The following CTBP2 variants were observed in gnomAD, a reference collection of about 807,000 sequenced individuals.
The protein encoded by CTBP2 is C-terminal-binding protein 2.
CTBP2 carries 30 observed loss-of-function variants against 80.3 expected under a neutral mutation model. The observed-to-expected ratio is 0.37, with a 90% CI of 0.28 to 0.51. The LOEUF (loss-of-function observed/expected upper bound fraction) is 0.51. Among genes scored for constraint, CTBP2 ranks in the 20% least tolerant of loss-of-function variants. The pLI, the probability that CTBP2 is intolerant of heterozygous loss-of-function variation, is 0.93. For synonymous variants in CTBP2, 594 were observed against 587.4 expected, an observed-to-expected ratio of 1.01 and a Z score of -0.16; for missense variants, 1,212 against 1,375.3, an observed-to-expected ratio of 0.88 and a Z score of 1.88.
rs868400175 is a variant in CTBP2, at chr10:125,024,026, C to T, written c.1678+2056G>A. Reference sequence around the variant, plus strand: ...GCAACACTGGATTTCCAGATGGCCGCGTCCTGGACCAGAGGCCGGCGGGAC... The same window carrying T: ...GCAACACTGGATTTCCAGATGGCCGTGTCCTGGACCAGAGGCCGGCGGGAC... On this transcript the variant is annotated intron_variant, in intron 1 of 8. Coordinates refer to ENST00000309035, the MANE Select transcript of CTBP2 (RefSeq NM_022802.3). Among the ~76,000 whole-genome samples the T allele has an allele frequency of 6.6e-5, 10 of 152,306 alleles. No individual in the cohort carries two copies. In the South Asian group the frequency reaches 1.7e-3, roughly 25 times the overall value.
chr10:124,997,629 C>T (rs1269878847), intron 4 of CTBP2: 1 of 373,520 alleles, frequency 2.7e-6, no homozygotes, highest in African/African-American at 2.0e-5. Flanking sequence ...TTACGACACA[C>T]CTCCATACAG....
At chr10:125,033,615 C>CT (rs1023609418) in intron 3 of CTBP2, among the ~76,000 whole-genome samples, 2 of 152,352 alleles carry the variant, frequency 1.3e-5, no homozygotes, top group African/African-American at 4.8e-5. Context: ...GGGCTGCTGT[C>CT]TGCTGCTGTC....
chr10:125,159,426 C>A (rs1861548564), intron 1 of CTBP2, among the ~76,000 whole-genome samples: 1 of 145,178 alleles, frequency 6.9e-6, no homozygotes, highest in African/African-American at 2.5e-5. Flanking sequence ...CCCGCCCGCG[C>A]CCGCCGCCCG....
At chr10:125,103,772 T>C (rs1851014857) in intron 2 of CTBP2, among the ~76,000 whole-genome samples, 1 of 151,822 alleles carries the variant, frequency 6.6e-6, no homozygotes, top group African/African-American at 2.4e-5. Context: ...AACCAAGGGG[T>C]ATATCCTACA....
intron 2 of CTBP2, among the ~76,000 whole-genome samples, chr10:125,042,342 G>C (rs186026245): frequency 0.018 from 2,716 of 148,276 alleles, 104 homozygotes; most frequent in African/African-American, 0.07. Flanking sequence ...CAGCACCCCC[G>C]ATCCACGCTG....
intron 1 of CTBP2, among the ~76,000 whole-genome samples, chr10:125,009,270 T>A (rs1259827238): frequency 6.6e-6 from 1 of 152,216 alleles, no homozygotes; most frequent in Non-Finnish European, 1.5e-5. Context: ...GCCAAGCGAT[T>A]CACGGCTTCA....
intron 2 of CTBP2, among the ~76,000 whole-genome samples, chr10:125,071,571 C>G (rs1030355282): frequency 6.6e-6 from 1 of 152,154 alleles, no homozygotes; most frequent in Admixed American, 6.6e-5. Flanking sequence ...TTACAAGATG[C>G]AAATTAAAAC....
intron 2 of CTBP2, among the ~76,000 whole-genome samples, chr10:125,064,196 G>T (rs1389488194): frequency 1.3e-5 from 2 of 152,220 alleles, no homozygotes; most frequent in Admixed American, 6.5e-5. Flanking sequence ...TTTCACCAGA[G>T]TTTGCCTGGG....
chr10:125,152,110 GCCGCGC>G (rs1485097213), intron 1 of CTBP2, among the ~76,000 whole-genome samples: 1 of 152,046 alleles, frequency 6.6e-6, no homozygotes, highest in Non-Finnish European at 1.5e-5. Context: ...CTGGGGCGGG[GCCGCGC>G]CGCCAGGTGT....
intron 1 of CTBP2, among the ~76,000 whole-genome samples, chr10:125,014,043 C>G (rs1198058577): frequency 6.6e-6 from 1 of 152,214 alleles, no homozygotes; most frequent in Non-Finnish European, 1.5e-5. Flanking sequence ...ACCCGGGTGT[C>G]TCTCTAGATC....
At chr10:125,054,127 C>G (rs559391273) in intron 2 of CTBP2, among the ~76,000 whole-genome samples, 2 of 151,772 alleles carry the variant, frequency 1.3e-5, no homozygotes, top group South Asian at 4.2e-4. Flanking sequence ...TGAACATGAC[C>G]CTCTCCCTGA....
intron 1 of CTBP2, among the ~76,000 whole-genome samples, chr10:125,122,475 G>A (rs947530514): frequency 6.6e-6 from 1 of 152,204 alleles, no homozygotes; most frequent in African/African-American, 2.4e-5. Context: ...TCCTCCTAAA[G>A]AAACCATGCC....
chr10:125,159,626 G>T (rs1412196073), intron 1 of CTBP2, among the ~76,000 whole-genome samples: 2 of 150,560 alleles, frequency 1.3e-5, no homozygotes, highest in African/African-American at 4.8e-5. Context: ...GAGCCGCGCG[G>T]GATCCCCCGC....
At chr10:125,124,857 T>A (rs935710497) in intron 1 of CTBP2, among the ~76,000 whole-genome samples, 1 of 152,276 alleles carries the variant, frequency 6.6e-6, no homozygotes, top group Non-Finnish European at 1.5e-5. Flanking sequence ...CAAAAGGGGA[T>A]GGCAGTTTCC....
At chr10:125,104,629 A>C (rs905964138) in intron 2 of CTBP2, among the ~76,000 whole-genome samples, 3 of 152,230 alleles carry the variant, frequency 2.0e-5, no homozygotes, top group African/African-American at 7.2e-5. Flanking sequence ...TCACACACAA[A>C]TGCCGATGAA....
At chr10:125,116,583 G>A (rs184661975) in intron 1 of CTBP2, among the ~76,000 whole-genome samples, 7 of 152,096 alleles carry the variant, frequency 4.6e-5, no homozygotes, top group African/African-American at 1.2e-4. Context: ...CCCACCCCTC[G>A]GAGGCATCCA....
intron 2 of CTBP2, among the ~76,000 whole-genome samples, chr10:125,065,282 C>A (rs61870346): frequency 0.032 from 4,876 of 152,278 alleles, 95 homozygotes; most frequent in Middle Eastern, 0.058. Flanking sequence ...AACTCAAATG[C>A]CCCCAACAAG....
At chr10:125,117,597 T>C (rs189987976) in intron 1 of CTBP2, among the ~76,000 whole-genome samples, 1 of 152,200 alleles carries the variant, frequency 6.6e-6, no homozygotes, top group Non-Finnish European at 1.5e-5. Context: ...GGAAAAGAAA[T>C]ACAATAAAAT....
chr10:125,085,287 C>T (rs1847812048), intron 2 of CTBP2, among the ~76,000 whole-genome samples: 1 of 152,180 alleles, frequency 6.6e-6, no homozygotes, highest in Non-Finnish European at 1.5e-5. Context: ...AAAACTCCCT[C>T]CTTTAAGATT....
Sources: allele counts gnomAD v4.1 joint callset (sites outside exome capture counted in the v4.1 genomes callset), GRCh38; gene constraint gnomAD v4.1.1; transcripts MANE v1.5; gene names NCBI Gene and HGNC (gene_info 2026-07-23, HGNC 2026-07-21).